Variants in RBFOX1 observed in about 807,000 individuals in gnomAD.
RBFOX1 encodes the protein RNA binding fox-1 homolog 1, also known as RNA binding protein fox-1 homolog 1.
Under a neutral mutation model 57.7 loss-of-function variants are expected in RBFOX1, and 8 were observed. The ratio of observed to expected loss-of-function variants is 0.14; its 90% CI spans 0.08 to 0.25. RBFOX1 has a LOEUF of 0.25. Ranked by LOEUF, RBFOX1 falls within the 10% of genes least tolerant of loss-of-function variation. The pLI, the probability that RBFOX1 is intolerant of heterozygous loss-of-function variation, is 1.00. For synonymous variants in RBFOX1, 326 were observed against 222.4 expected, an observed-to-expected ratio of 1.47 and a Z score of -4.15; for missense variants, 611 against 548.5, an observed-to-expected ratio of 1.11 and a Z score of -1.14.
At chr16:5,283,812 G>C (rs964195566) in intron 1 of RBFOX1, among the ~76,000 whole-genome samples, 1 of 152,136 alleles carries the variant, frequency 6.6e-6, no homozygotes, top group African/African-American at 2.4e-5. Flanking sequence ...TGTCACATGA[G>C]ACTTTGGACT....
chr16:6,442,614 A>G (rs1424061476), intron 2 of RBFOX1, among the ~76,000 whole-genome samples: 1 of 152,020 alleles, frequency 6.6e-6, no homozygotes, highest in East Asian at 1.9e-4. Context: ...TCCTTCTCGT[A>G]AATTAAAACT....
At chr16:6,638,270 G>T (rs536394277) in intron 2 of RBFOX1, among the ~76,000 whole-genome samples, 6 of 152,034 alleles carry the variant, frequency 3.9e-5, no homozygotes, top group African/African-American at 1.4e-4. Context: ...CTGTTTTAAG[G>T]TACATTTTTC....
At chr16:7,684,484 A>C (rs1185904050) in intron 14 of RBFOX1, among the ~76,000 whole-genome samples, 2 of 152,090 alleles carry the variant, frequency 1.3e-5, no homozygotes, top group Non-Finnish European at 2.9e-5. Flanking sequence ...GAAAGCTGAA[A>C]CATAATCAAA....
At chr16:7,011,458 G>C (rs960549625) in intron 3 of RBFOX1, among the ~76,000 whole-genome samples, 2 of 145,192 alleles carry the variant, frequency 1.4e-5, no homozygotes, top group African/African-American at 4.9e-5. Context: ...TTGGATTTTT[G>C]TTTGTTTGTT....
At chr16:7,610,195 C>G (rs1184244634) in intron 10 of RBFOX1, among the ~76,000 whole-genome samples, 5 of 138,748 alleles carry the variant, frequency 3.6e-5, no homozygotes, top group African/African-American at 1.1e-4. Context: ...TCTCGACTCT[C>G]TGCAACCTCC....
intron 9 of RBFOX1, among the ~76,000 whole-genome samples, chr16:7,602,590 C>G (rs747367584): frequency 3.3e-5 from 5 of 152,046 alleles, no homozygotes; most frequent in Admixed American, 3.3e-4. Context: ...CAGGGTTATC[C>G]CAAGGGTCTC....
At chr16:7,624,827 G>T (rs1245965922) in intron 10 of RBFOX1, among the ~76,000 whole-genome samples, 2 of 152,194 alleles carry the variant, frequency 1.3e-5, no homozygotes, top group African/African-American at 4.8e-5. Flanking sequence ...GTTTGTTGAG[G>T]TGATACGGTT....
At chr16:7,324,684 C>G (rs4786999) in intron 4 of RBFOX1, among the ~76,000 whole-genome samples, 70,033 of 152,064 alleles carry the variant, frequency 0.46, 18,319 homozygotes, top group East Asian at 0.87. Flanking sequence ...CATGGTGCTG[C>G]CTGAACCACT....
chr16:6,230,545 A>G (rs1402650698), intron 1 of RBFOX1, among the ~76,000 whole-genome samples: 1 of 152,124 alleles, frequency 6.6e-6, no homozygotes, highest in East Asian at 1.9e-4. Flanking sequence ...TAAAACCACC[A>G]TTTATTCAAC....
intron 4 of RBFOX1, among the ~76,000 whole-genome samples, chr16:7,469,519 C>T (rs968962823): frequency 1.3e-5 from 2 of 152,164 alleles, no homozygotes; most frequent in African/African-American, 2.4e-5. Context: ...TTGCATGTGG[C>T]ATCCTCCATA....
In RBFOX1 at chr16:7,677,132, T is replaced by TACACACACACAC. The variant is rs59379802; in HGVS notation, c.995+311_995+322dup. Among the ~76,000 whole-genome samples the TACACACACACAC allele has an allele frequency of 8.1e-3, 1,123 of 137,934 alleles. 17 individuals carry two copies. Among genetic ancestry groups the TACACACACACAC allele is most frequent in the East Asian group, 0.027 (128 of 4,764 alleles). The allele number at this position is 137,934 out of a possible 152,430, so 90.5% of individuals were successfully genotyped here. A position where few individuals can be genotyped will look rare whatever the true frequency, so the allele number is the denominator to read the frequency against. Reference sequence around the variant, plus strand: ...ACAACGCACCTTGCTCACATACACATACACACACACACACACACACACACA... The same window carrying TACACACACACAC: ...ACAACGCACCTTGCTCACATACACATACACACACACACACACACACACACACACACACACACA... On this transcript the variant is annotated intron_variant, in intron 14 of 15. Coordinates refer to ENST00000550418, the MANE Select transcript of RBFOX1 (RefSeq NM_018723.4).
chr16:5,983,158 C>G (rs538037652), intron 4 of RBFOX1, among the ~76,000 whole-genome samples: 2 of 152,306 alleles, frequency 1.3e-5, no homozygotes, highest in South Asian at 4.1e-4. Flanking sequence ...GTCCCTGCCC[C>G]CCATTACCCC....
intron 4 of RBFOX1, among the ~76,000 whole-genome samples, chr16:5,883,717 C>T (rs754733957): frequency 5.9e-5 from 9 of 152,120 alleles, no homozygotes; most frequent in Non-Finnish European, 1.2e-4. Flanking sequence ...GCCTTATAGG[C>T]AGCTAAGCAG....
chr16:6,676,376 G>C (rs968880095), intron 3 of RBFOX1, among the ~76,000 whole-genome samples: 1 of 152,024 alleles, frequency 6.6e-6, no homozygotes, highest in Non-Finnish European at 1.5e-5. Context: ...CAATGGCAGC[G>C]CCTGCCCCAG....
chr16:6,083,122 G>A (rs926391962), intron 1 of RBFOX1, among the ~76,000 whole-genome samples: 4 of 151,750 alleles, frequency 2.6e-5, no homozygotes, highest in African/African-American at 7.3e-5. Context: ...CTGCCTCAGC[G>A]TCCTGAGTAG....
At position 7,210,303 on chromosome 16, in the gene RBFOX1, GA is replaced by G. The variant is rs549383136; in HGVS notation, c.27+158207del. Among the ~76,000 whole-genome samples, 143 of 152,270 alleles carry G rather than the reference GA, an allele frequency of 9.4e-4. 1 individual carries two copies. Among genetic ancestry groups the G allele is most frequent in the Non-Finnish European group, 1.7e-3 (116 of 67,998 alleles). On this transcript the variant is annotated intron_variant, in intron 4 of 15. Transcript: ENST00000550418. ...AGAAATCCATGGGCCAGGCCATCAG[GA>G]AGAGTATGTTGGCAACTCTTGGGCA...
At chr16:7,189,368 G>T (rs570861793) in intron 4 of RBFOX1, among the ~76,000 whole-genome samples, 3 of 145,758 alleles carry the variant, frequency 2.1e-5, no homozygotes, top group African/African-American at 5.0e-5. Flanking sequence ...GGAGCTTGCA[G>T]TGAGCTGAGA....
exon 3 of RBFOX1, chr16:5,599,352 C>G (rs943213634): frequency 1.5e-5 from 9 of 608,980 alleles, no homozygotes; most frequent in Non-Finnish European, 2.3e-5. Context: ...CTAGTAAGGA[C>G]AGGAATGCTT....
chr16:6,746,236 C>A (rs181664593), intron 3 of RBFOX1, among the ~76,000 whole-genome samples: 4 of 151,980 alleles, frequency 2.6e-5, no homozygotes, highest in Admixed American at 2.6e-4. Flanking sequence ...CCCAGCAGGC[C>A]TTTTTTTCAA....
Sources: gnomAD v4.1 joint callset for allele counts (sites outside exome capture counted in the v4.1 genomes callset) on GRCh38, gnomAD v4.1.1 for gene constraint, MANE v1.5 for transcripts, NCBI Gene and HGNC (gene_info 2026-07-23, HGNC 2026-07-21) for gene names.